MAP3K4: variants seen among roughly 807,000 people sequenced by gnomAD.
The protein encoded by MAP3K4 is mitogen-activated protein kinase kinase kinase 4, also known as MAP three kinase 1.
Under a neutral mutation model 185.6 loss-of-function variants are expected in MAP3K4, and 67 were observed. The ratio of observed to expected loss-of-function variants is 0.36; its 90% CI spans 0.30 to 0.44. The LOEUF (loss-of-function observed/expected upper bound fraction) is 0.44, where lower values mean the gene tolerates loss of function less well. MAP3K4 is among the 20% of genes least tolerant of loss of function. The pLI is 1.00. For missense variants in MAP3K4, 1,551 were observed against 1,995.1 expected (o/e 0.78, Z 4.24); for synonymous variants, 702 against 710.4 (o/e 0.99, Z 0.19).
intron 1 of MAP3K4, among the ~76,000 whole-genome samples, chr6:161,000,683 CT>C (rs1476012491): frequency 2.6e-5 from 4 of 151,850 alleles, no homozygotes; most frequent in South Asian, 2.1e-4. Flanking sequence ...TCATTTTCCC[CT>C]GATATATATA....
In MAP3K4 at chr6:161,093,961, C is replaced by G; in HGVS notation, c.3427+110C>G. On this transcript the variant is annotated intron_variant, in intron 15 of 26. Transcript: ENST00000392142. The surrounding 1 kb of genome is among the most constrained non-coding windows in gnomAD (Gnocchi z 5.2). ...GTATAAGAGGTGTTTTAACAGTATT[C>G]AGGAAAACGACAATGAGAGGGACAG... The G allele has an allele frequency of 2.6e-6, 2 of 769,752 alleles. No homozygotes were observed. Among genetic ancestry groups the G allele is most frequent in the South Asian group, 3.5e-5 (2 of 56,632 alleles). The allele number at this position is 769,752 out of a possible 1,614,324, so 47.7% of individuals were successfully genotyped here.
chr6:161,077,460 C>T lies in MAP3K4; in HGVS notation c.2098-3421C>T, dbSNP rs1785232866. On this transcript the variant is annotated intron_variant, in intron 5 of 26. Transcript: ENST00000392142. The surrounding 1 kb of genome is among the most constrained non-coding windows in gnomAD (Gnocchi z 4.3). ...ATAAAGAGAGGGATCAAGAGAAGCC[C>T]CTTTTTGGTAGCAGGTGCGGTCCGC... 6.6e-6 allele frequency among the ~76,000 whole-genome samples: 1 copy of T among 152,102 alleles called. No homozygotes were observed. The highest frequency in any genetic ancestry group is 1.5e-5 in the Non-Finnish European group (1 of 68,024).
At chr6:160,997,416 T>A (rs1325533144) in intron 1 of MAP3K4, among the ~76,000 whole-genome samples, 2 of 152,230 alleles carry the variant, frequency 1.3e-5, no homozygotes, top group East Asian at 1.9e-4. Flanking sequence ...AATTAAATTT[T>A]AAAAAATCAG....
At chr6:161,036,634 G>A (rs915524881) in intron 2 of MAP3K4, among the ~76,000 whole-genome samples, 2 of 152,072 alleles carry the variant, frequency 1.3e-5, no homozygotes, top group Admixed American at 6.5e-5. Flanking sequence ...ATCATTTGTA[G>A]CAGCATCTTC....
At chr6:161,005,020 C>G (rs984771295) in intron 1 of MAP3K4, among the ~76,000 whole-genome samples, 1 of 152,170 alleles carries the variant, frequency 6.6e-6, no homozygotes, top group African/African-American at 2.4e-5. Context: ...TTTAAAACCA[C>G]CAAACTTATC....
intron 1 of MAP3K4, among the ~76,000 whole-genome samples, chr6:161,031,489 C>T (rs1042937327): frequency 6.6e-6 from 1 of 152,122 alleles, no homozygotes; most frequent in Non-Finnish European, 1.5e-5. Context: ...CACAAAGGTA[C>T]TTCTTTATTT....
rs1188872365 is a variant in MAP3K4, at chr6:161,034,139, A to G, written c.153-120A>G. The G allele has an allele frequency of 1.4e-6, 1 of 696,534 alleles. No homozygotes were observed. The highest frequency in any genetic ancestry group is 2.8e-5 in the East Asian group (1 of 35,528). The allele number at this position is 696,534 out of a possible 1,614,324, so 43.1% of individuals were successfully genotyped here. ...CACAGGTAAAAATGAGGAGGAGCAC[A>G]GTGCTGAAGAGATTTTTCTGTACAA... On this transcript the variant is annotated intron_variant, in intron 1 of 26. Coordinates refer to ENST00000392142, the MANE Select transcript of MAP3K4 (RefSeq NM_005922.4). The surrounding 1 kb of genome is among the most constrained non-coding windows in gnomAD (Gnocchi z 4.4).
intron 1 of MAP3K4, among the ~76,000 whole-genome samples, chr6:161,004,259 A>G (rs566105128): frequency 2.6e-4 from 40 of 152,310 alleles, no homozygotes; most frequent in African/African-American, 9.4e-4. Flanking sequence ...ATGACCCATA[A>G]TGCTGTGTTG....
At position 161,053,885 on chromosome 6, in the gene MAP3K4, C is replaced by T. The variant is rs889056855; in HGVS notation, c.1707+3906C>T. Among the ~76,000 whole-genome samples, 2 of 151,996 alleles carry T rather than the reference C, an allele frequency of 1.3e-5. No homozygotes were observed. The highest frequency in any genetic ancestry group is 2.9e-5 in the Non-Finnish European group (2 of 67,964). On this transcript the variant is annotated intron_variant, in intron 3 of 26. Transcript: ENST00000392142. This position sits in a 1 kb window ranked among gnomAD's most constrained non-coding sequence, Gnocchi z 4.2. Reference sequence around the variant, plus strand: ...CTGGGATTACAGGCGTGAGCCACTGCGCCTGGCTAGTGTTTTTGTTCTTAA... The same window carrying T: ...CTGGGATTACAGGCGTGAGCCACTGTGCCTGGCTAGTGTTTTTGTTCTTAA...
At chr6:161,027,450 C>T (rs1192357541) in intron 1 of MAP3K4, among the ~76,000 whole-genome samples, 3 of 152,090 alleles carry the variant, frequency 2.0e-5, no homozygotes, top group African/African-American at 7.2e-5. Flanking sequence ...AAATTGCCTT[C>T]AAATTAGGTG....
Position 161,106,529 on chromosome 6 carries a change from T to C in MAP3K4, c.3872T>C (p.Leu1291Pro), listed in dbSNP as rs761410162. The change falls in exon 20 of 27, where the codon CTA becomes CCA. Residue 1291 changes from leucine (L) to proline (P), a missense_variant. Around this residue, in one of 16 missense-constraint regions of MAP3K4, gnomAD observed 272 missense variants for 301.2 expected, o/e 0.90. Coordinates refer to ENST00000392142, the MANE Select transcript of MAP3K4 (RefSeq NM_005922.4). The surrounding 1 kb of genome is among the most constrained non-coding windows in gnomAD (Gnocchi z 4.9). ...CTCTCTGCAGATACTGCTTCTAAAC[T>C]AGGACCCATAGAAGCTATCCAGAAG... ...ISQSKDTASK[L>P]GPIEAIQKSV... is the part of the protein sequence containing the mutation. 7 of 1,610,194 alleles carry C rather than the reference T, an allele frequency of 4.3e-6. No homozygotes were observed. Among genetic ancestry groups the C allele is most frequent in the Non-Finnish European group, 5.9e-6 (7 of 1,178,392 alleles).
rs1340944544 is a variant in MAP3K4 at position 161,080,936 on chromosome 6, C to T, written c.2153C>T (p.Ala718Val). ...WIQMLQQLPQASHSLKNLLEE... is the reference protein window; with the variant it reads ...WIQMLQQLPQVSHSLKNLLEE... ...CAAATGCTACAGCAATTACCTCAAG[C>T]ATCGCATAGTTTAAAAAATCTGTTA... Residue 718 changes from alanine to valine, a missense_variant, in exon 6 of 27, where the codon GCA becomes GTA. By Grantham distance (64) the Ala-to-Val change is moderately conservative (BLOSUM62 0). This residue lies in a region of MAP3K4 where 130 missense variants were observed against 171.3 expected (regional missense o/e 0.76). Transcript: ENST00000392142. The surrounding 1 kb of genome is among the most constrained non-coding windows in gnomAD (Gnocchi z 4.8). The T allele has an allele frequency of 3.7e-6, 6 of 1,614,068 alleles. No homozygotes were observed. Among genetic ancestry groups the T allele is most frequent in the Non-Finnish European group, 5.1e-6 (6 of 1,179,930 alleles).
At chr6:161,046,943 T>C (rs908533381) in intron 2 of MAP3K4, among the ~76,000 whole-genome samples, 1 of 147,480 alleles carries the variant, frequency 6.8e-6, no homozygotes, top group Non-Finnish European at 1.5e-5. Flanking sequence ...ATAATTATTA[T>C]ATTAATATAT....
At chr6:161,105,657 G>A (rs1194618358) in intron 19 of MAP3K4, among the ~76,000 whole-genome samples, 1 of 152,190 alleles carries the variant, frequency 6.6e-6, no homozygotes, top group African/African-American at 2.4e-5. Flanking sequence ...ACTTTAGGCA[G>A]AGGGAAAGGT....
rs1445417341 is a variant in MAP3K4, at chr6:161,022,274, C to T, written c.153-11985C>T. On this transcript the variant is annotated intron_variant, in intron 1 of 26. Transcript: ENST00000392142. The surrounding 1 kb of genome is among the most constrained non-coding windows in gnomAD (Gnocchi z 4.2). Reference sequence around the variant, plus strand: ...CTGAAGGAGACGATTTCAGTTAGACCTTTTATTTGACATATACAGATAAAT... The same window carrying T: ...CTGAAGGAGACGATTTCAGTTAGACTTTTTATTTGACATATACAGATAAAT... The T allele has an allele frequency of 1.3e-5, 2 of 152,172 alleles. No individual in the cohort carries two copies. The highest frequency in any genetic ancestry group is 2.4e-5 in the African/African-American group (1 of 41,438). The allele number at this position is 152,172 out of a possible 1,614,324, so 9.4% of individuals were successfully genotyped here.
rs1784077746 is a variant in MAP3K4 at position 161,053,072 on chromosome 6, A to G, written c.1707+3093A>G. On this transcript the variant is annotated intron_variant, in intron 3 of 26. Transcript: ENST00000392142. This position sits in a 1 kb window ranked among gnomAD's most constrained non-coding sequence, Gnocchi z 4.2. ...CTGAGACTGGGTAATTAATAAAGAA[A>G]AGAGGTTTAATTGGCTTATGGTCCC... is the stretch of plus-strand genomic sequence containing the variant. Among the ~76,000 whole-genome samples the G allele has an allele frequency of 6.6e-6, 1 of 152,170 alleles. No individual in the cohort carries two copies. The highest frequency in any genetic ancestry group is 1.5e-5 in the Non-Finnish European group (1 of 68,028).
intron 1 of MAP3K4, among the ~76,000 whole-genome samples, chr6:160,999,686 C>T (rs945326804): frequency 2.0e-5 from 3 of 152,174 alleles, no homozygotes; most frequent in African/African-American, 7.2e-5. Context: ...CCCTTACCCT[C>T]GCATCGCCAT....
Position 161,008,663 on chromosome 6 carries a change from G to A in MAP3K4, c.152+16580G>A, listed in dbSNP as rs1018312234. 6.6e-6 allele frequency among the ~76,000 whole-genome samples: 1 copy of A among 152,152 alleles called. No homozygotes were observed. The highest frequency in any genetic ancestry group is 1.5e-5 in the Non-Finnish European group (1 of 68,022). On this transcript the variant is annotated intron_variant, in intron 1 of 26. Transcript: ENST00000392142. This position sits in a 1 kb window ranked among gnomAD's most constrained non-coding sequence, Gnocchi z 4.1. ...GTGTAGCTTGATAAATTGTTCAAAAGCAAATACAGTGTTATAAAGTTTACC... is the reference window on the plus strand; with the variant it reads ...GTGTAGCTTGATAAATTGTTCAAAAACAAATACAGTGTTATAAAGTTTACC...
intron 1 of MAP3K4, among the ~76,000 whole-genome samples, chr6:161,003,387 C>G (rs1781421223): frequency 6.6e-6 from 1 of 152,178 alleles, no homozygotes; most frequent in South Asian, 2.1e-4. Flanking sequence ...CACGGTCATC[C>G]TTGATTAGTT....
Sources: gnomAD v4.1 joint callset for allele counts (sites outside exome capture counted in the v4.1 genomes callset) on GRCh38, gnomAD v4.1.1 for gene constraint, gnomAD v4.1.1 regional missense constraint, Gnocchi (gnomAD v3.1) non-coding constraint, MANE v1.5 for transcripts, NCBI Gene and HGNC (gene_info 2026-07-23, HGNC 2026-07-21) for gene names.